The following TBC1D5 variants were observed in gnomAD, a reference collection of about 807,000 sequenced individuals.
TBC1D5 encodes TBC1 domain family member 5, also known as TBC1 domain family, member 5.
A neutral mutation model predicts 100.3 loss-of-function variants in TBC1D5; 75 were observed. The ratio of observed to expected loss-of-function variants is 0.75; its 90% CI spans 0.62 to 0.91. The LOEUF is 0.91. TBC1D5 is among the 40% of genes least tolerant of loss of function. The probability of loss-of-function intolerance (pLI) is 0.00; values close to 1 mark genes in which losing one functional copy is unlikely to be tolerated. For missense variants in TBC1D5, 910 were observed against 942.4 expected (o/e 0.97, Z 0.45); for synonymous variants, 323 against 325.6 (o/e 0.99, Z 0.09).
chr3:17,274,026 AAAG>A (rs1449831687), intron 15 of TBC1D5, among the ~76,000 whole-genome samples: 2 of 151,728 alleles, frequency 1.3e-5, no homozygotes, highest in Non-Finnish European at 2.9e-5. Flanking sequence ...AAAAAAAAAA[AAAG>A]AAGGAAGAAA....
intron 2 of TBC1D5, among the ~76,000 whole-genome samples, chr3:17,511,993 TTGC>T (rs1372840577): frequency 1.3e-5 from 2 of 152,068 alleles, no homozygotes; most frequent in South Asian, 2.1e-4. Context: ...GATTAAGAAG[TTGC>T]TGCTTTCATT....
intron 1 of TBC1D5, among the ~76,000 whole-genome samples, chr3:17,643,211 T>A (rs2064694989): frequency 6.6e-6 from 1 of 152,132 alleles, no homozygotes; most frequent in South Asian, 2.1e-4. Context: ...TTTGAGTTTG[T>A]CTAACGTCTT....
intron 19 of TBC1D5, among the ~76,000 whole-genome samples, chr3:17,176,129 T>C (rs1405555824): frequency 3.9e-5 from 6 of 152,170 alleles, no homozygotes; most frequent in Admixed American, 2.6e-4. Flanking sequence ...GGTTCTGCTA[T>C]TACCTAGCTG....
chr3:17,533,782 C>T (rs1459014013), intron 2 of TBC1D5, among the ~76,000 whole-genome samples: 1 of 152,084 alleles, frequency 6.6e-6, no homozygotes, highest in Non-Finnish European at 1.5e-5. Context: ...TCTACTTTTG[C>T]TTCTGAAATG....
At chr3:17,627,118 G>A (rs1189829152) in intron 1 of TBC1D5, among the ~76,000 whole-genome samples, 1 of 152,134 alleles carries the variant, frequency 6.6e-6, no homozygotes, top group Non-Finnish European at 1.5e-5. Flanking sequence ...TATAGAACTG[G>A]CAGGAGCAAA....
intron 18 of TBC1D5, among the ~76,000 whole-genome samples, chr3:17,192,121 A>AT (rs991333667): frequency 5.9e-5 from 9 of 152,102 alleles, no homozygotes; most frequent in Middle Eastern, 3.4e-3. Context: ...ATTATGGGTG[A>AT]TTTTTTCTCT....
rs571540679 is a variant in TBC1D5, at chr3:17,245,600, C to T, written c.1332-7181G>A. On this transcript the variant is annotated intron_variant, in intron 16 of 21. Transcript: ENST00000253692. ...GGTTGGCACTGGTGACAAGAGTAGA[C>T]GTAAGCTAGACTATGGGGCTTACGT... Among the ~76,000 whole-genome samples, 5 of 152,228 alleles carry T rather than the reference C, an allele frequency of 3.3e-5. No homozygotes were observed. In the East Asian group the frequency reaches 5.8e-4, roughly 18 times the overall value.
intron 2 of TBC1D5, among the ~76,000 whole-genome samples, chr3:17,569,091 A>T (rs1288998386): frequency 6.6e-6 from 1 of 151,782 alleles, no homozygotes; most frequent in Non-Finnish European, 1.5e-5. Context: ...GAACAAGGGC[A>T]CTCTCTGAAT....
chr3:17,326,660 G>A (rs1252524261), intron 13 of TBC1D5, among the ~76,000 whole-genome samples: 1 of 152,122 alleles, frequency 6.6e-6, no homozygotes, highest in Non-Finnish European at 1.5e-5. Flanking sequence ...TTTTTGTAGA[G>A]ATGGAGTCTC....
intron 1 of TBC1D5, among the ~76,000 whole-genome samples, chr3:17,651,537 C>T (rs779253188): frequency 6.6e-5 from 10 of 151,954 alleles, no homozygotes; most frequent in Non-Finnish European, 1.3e-4. Context: ...GGTGAAACAC[C>T]GTCTCTACTG....
At chr3:17,533,104 C>CAT (rs2096249200) in intron 2 of TBC1D5, among the ~76,000 whole-genome samples, 2 of 151,056 alleles carry the variant, frequency 1.3e-5, no homozygotes, top group Non-Finnish European at 3.0e-5. Context: ...CACACACACA[C>CAT]ACTTCCAATT....
intron 9 of TBC1D5, among the ~76,000 whole-genome samples, chr3:17,382,748 G>C (rs2092998208): frequency 6.6e-6 from 1 of 151,902 alleles, no homozygotes; most frequent in Admixed American, 6.6e-5. Flanking sequence ...CTTTTGTAGA[G>C]ATGGGGTTTC....
chr3:17,345,991 G>A (rs1023404135), intron 13 of TBC1D5, among the ~76,000 whole-genome samples: 12 of 151,804 alleles, frequency 7.9e-5, no homozygotes, highest in African/African-American at 2.7e-4. Context: ...AATGGGTGCA[G>A]CACACCAGCA....
At chr3:17,732,611 C>T (rs1398777761) in intron 1 of TBC1D5, among the ~76,000 whole-genome samples, 4 of 151,296 alleles carry the variant, frequency 2.6e-5, no homozygotes, top group Admixed American at 2.0e-4. Context: ...TGGTAGCATT[C>T]GCCTGTAATC....
chr3:17,226,723 T>C (rs971569500), intron 17 of TBC1D5, among the ~76,000 whole-genome samples: 5 of 152,176 alleles, frequency 3.3e-5, no homozygotes, highest in African/African-American at 1.2e-4. Context: ...GTTGCTTCTT[T>C]CACTCCCCAG....
intron 1 of TBC1D5, among the ~76,000 whole-genome samples, chr3:17,661,564 G>A (rs191518509): frequency 1.3e-5 from 2 of 148,636 alleles, no homozygotes; most frequent in East Asian, 2.0e-4. Context: ...GCAGTGGTAC[G>A]ATCTCAGCTC....
At chr3:17,457,003 G>C (rs2095101577) in intron 3 of TBC1D5, among the ~76,000 whole-genome samples, 1 of 152,046 alleles carries the variant, frequency 6.6e-6, no homozygotes, top group African/African-American at 2.4e-5. Context: ...AGAATGTAGA[G>C]TGACTTTCAA....
At chr3:17,733,971 G>A (rs2076764599) in intron 1 of TBC1D5, among the ~76,000 whole-genome samples, 1 of 152,040 alleles carries the variant, frequency 6.6e-6, no homozygotes, top group Non-Finnish European at 1.5e-5. Context: ...GAAAGAAAAT[G>A]GGTTCCAGCC....
chr3:17,356,975 G>T (rs1053970483), intron 13 of TBC1D5, among the ~76,000 whole-genome samples: 1 of 141,384 alleles, frequency 7.1e-6, no homozygotes, highest in Admixed American at 7.1e-5. Context: ...GTTGTGGGGA[G>T]ATAATCACTG....
Sources: gnomAD v4.1 joint callset for allele counts (sites outside exome capture counted in the v4.1 genomes callset) on GRCh38, gnomAD v4.1.1 for gene constraint, MANE v1.5 for transcripts, NCBI Gene and HGNC (gene_info 2026-07-23, HGNC 2026-07-21) for gene names.